The following CHCHD6 variants were observed in gnomAD, a reference collection of about 807,000 sequenced individuals.
CHCHD6 encodes MICOS complex subunit MIC25.
CHCHD6 carries 28 observed loss-of-function variants against 32.3 expected under a neutral mutation model. The ratio of observed to expected loss-of-function variants is 0.87; its 90% CI spans 0.64 to 1.19. CHCHD6 has a LOEUF of 1.19. Among genes scored for constraint, CHCHD6 ranks in the 50% most tolerant of loss-of-function variants. The probability of loss-of-function intolerance (pLI) is 0.00; values close to 1 mark genes in which losing one functional copy is unlikely to be tolerated. For missense variants in CHCHD6, 333 were observed against 307.0 expected (o/e 1.08, Z -0.63); for synonymous variants, 122 against 117.5 (o/e 1.04, Z -0.25).
intron 5 of CHCHD6, among the ~76,000 whole-genome samples, chr3:126,891,235 G>A (rs913108862): frequency 3.3e-5 from 5 of 152,188 alleles, no homozygotes; most frequent in African/African-American, 1.2e-4. Flanking sequence ...TAGGGCTGTG[G>A]AGCCTCCCTA....
At chr3:126,776,764 C>T (rs1030674949) in intron 4 of CHCHD6, among the ~76,000 whole-genome samples, 9 of 152,064 alleles carry the variant, frequency 5.9e-5, no homozygotes, top group Non-Finnish European at 7.4e-5. Context: ...CATTTTATAA[C>T]CAGTGACATA....
rs147789687 is a variant in CHCHD6 at position 126,727,089 on chromosome 3, C to G, written c.99C>G (p.Asn33Lys). Residue 33 changes from asparagine (N) to lysine (K), a missense_variant, in exon 2 of 8, where the codon AAC (asparagine) becomes AAG (lysine). Transcript: ENST00000290913. Reference sequence around the variant, plus strand: ...TTCTGCTTCCTTAGCTGTCTGAAAACGTGGTGAACCGCATGAAGGAGCCCA... The same window carrying G: ...TTCTGCTTCCTTAGCTGTCTGAAAAGGTGGTGAACCGCATGAAGGAGCCCA... Reference protein sequence around the residue: ...RVLQGVRLSENVVNRMKEPSS... With the variant: ...RVLQGVRLSEKVVNRMKEPSS... The G allele has an allele frequency of 6.2e-7, 1 of 1,613,132 alleles. No individual in the cohort carries two copies. The highest frequency in any genetic ancestry group is 1.3e-5 in the African/African-American group (1 of 74,886).
At chr3:126,890,480 G>C (rs755214615) in intron 5 of CHCHD6, among the ~76,000 whole-genome samples, 42 of 152,260 alleles carry the variant, frequency 2.8e-4, no homozygotes, top group South Asian at 8.3e-4. Context: ...TGATGGAACT[G>C]TGCCTGTACA....
chr3:126,814,865 G>C (rs956455333), intron 4 of CHCHD6, among the ~76,000 whole-genome samples: 1 of 152,348 alleles, frequency 6.6e-6, no homozygotes, highest in Admixed American at 6.5e-5. Context: ...GGTGTCTGAA[G>C]TGGGGTGAGG....
At chr3:126,732,098 AGAG>A (rs1314431227) in intron 3 of CHCHD6, among the ~76,000 whole-genome samples, 1 of 149,078 alleles carries the variant, frequency 6.7e-6, no homozygotes, top group East Asian at 2.0e-4. Context: ...AAAAAAAAAA[AGAG>A]GAAAAAAAGC....
intron 6 of CHCHD6, among the ~76,000 whole-genome samples, chr3:126,953,753 G>A (rs893008246): frequency 5.9e-5 from 9 of 152,182 alleles, no homozygotes; most frequent in African/African-American, 1.9e-4. Flanking sequence ...AAGCCACATG[G>A]ACCATTAGAT....
intron 5 of CHCHD6, among the ~76,000 whole-genome samples, chr3:126,873,667 C>T (rs571629985): frequency 6.6e-6 from 1 of 152,324 alleles, no homozygotes; most frequent in African/African-American, 2.4e-5. Flanking sequence ...ACTGAGCAGG[C>T]AGGATGGCTT....
intron 1 of CHCHD6, among the ~76,000 whole-genome samples, chr3:126,714,724 G>A (rs905798637): frequency 3.9e-5 from 6 of 152,128 alleles, no homozygotes; most frequent in Non-Finnish European, 7.4e-5. Flanking sequence ...GTTTTCCAGT[G>A]CCTAGCACCC....
At chr3:126,771,841 G>C (rs1473832377) in intron 4 of CHCHD6, among the ~76,000 whole-genome samples, 1 of 152,092 alleles carries the variant, frequency 6.6e-6, no homozygotes, top group East Asian at 1.9e-4. Context: ...TTGTATCTTT[G>C]TTCTCATTAG....
intron 5 of CHCHD6, among the ~76,000 whole-genome samples, chr3:126,859,950 G>C (rs1369232548): frequency 1.3e-5 from 2 of 152,162 alleles, no homozygotes; most frequent in Admixed American, 1.3e-4. Flanking sequence ...ACTGATGCTG[G>C]GTTCCATGTA....
At chr3:126,706,650 C>A (rs1042124292) in intron 1 of CHCHD6, among the ~76,000 whole-genome samples, 2 of 152,034 alleles carry the variant, frequency 1.3e-5, no homozygotes, top group East Asian at 3.9e-4. Flanking sequence ...GAGCCACGTC[C>A]TTCCTTCTGC....
intron 4 of CHCHD6, among the ~76,000 whole-genome samples, chr3:126,813,552 G>A (rs894637339): frequency 5.3e-5 from 8 of 152,188 alleles, no homozygotes; most frequent in Admixed American, 5.2e-4. Context: ...ACCCACATGA[G>A]CTCCTTGAGT....
chr3:126,945,746 G>A (rs2078627905), intron 6 of CHCHD6, among the ~76,000 whole-genome samples: 1 of 150,024 alleles, frequency 6.7e-6, no homozygotes, highest in Non-Finnish European at 1.5e-5. Context: ...GAGACTCGGG[G>A]GGAGACTTGA....
chr3:126,838,892 C>CTTTT (rs1217788517), intron 4 of CHCHD6, among the ~76,000 whole-genome samples: 1 of 139,580 alleles, frequency 7.2e-6, no homozygotes, highest in African/African-American at 2.6e-5. Flanking sequence ...TTCTTTTTTC[C>CTTTT]TTTTTTTTTT....
At position 126,759,415 on chromosome 3, in the gene CHCHD6, A is replaced by G. The variant is rs61154090; in HGVS notation, c.411+26193A>G. ...GCTACATTCAGTTTTCCTTGTCCCA[A>G]TCAAGTCTTTTGTAGTGGTCATTTG... On this transcript the variant is annotated intron_variant, in intron 4 of 7. Coordinates refer to ENST00000290913, the MANE Select transcript of CHCHD6 (RefSeq NM_032343.3). Among the ~76,000 whole-genome samples, 691 of 152,268 alleles carry G rather than the reference A, an allele frequency of 4.5e-3. 3 individuals carry two copies. The highest frequency in any genetic ancestry group is 0.014 in the African/African-American group (573 of 41,562).
At chr3:126,799,985 A>C (rs2107690041) in intron 4 of CHCHD6, among the ~76,000 whole-genome samples, 1 of 152,296 alleles carries the variant, frequency 6.6e-6, no homozygotes, top group Non-Finnish European at 1.5e-5. Context: ...TCATAATTGG[A>C]TATGCATAAT....
At chr3:126,893,473 A>G (rs971043342) in intron 5 of CHCHD6, among the ~76,000 whole-genome samples, 4 of 152,246 alleles carry the variant, frequency 2.6e-5, no homozygotes, top group African/African-American at 4.8e-5. Flanking sequence ...AATGAGGTCA[A>G]GACAGACATT....
At chr3:126,944,265 G>A (rs1013090001) in intron 6 of CHCHD6, among the ~76,000 whole-genome samples, 11 of 152,250 alleles carry the variant, frequency 7.2e-5, no homozygotes, top group Non-Finnish European at 1.6e-4. Context: ...TCAGCCCACC[G>A]GGTTACAAAG....
At chr3:126,709,534 A>ATT (rs1934655951) in intron 1 of CHCHD6, among the ~76,000 whole-genome samples, 1 of 152,186 alleles carries the variant, frequency 6.6e-6, no homozygotes, top group Non-Finnish European at 1.5e-5. Context: ...CAGTTTATGA[A>ATT]TTTTGTGAAT....
Sources: allele counts gnomAD v4.1 joint callset (sites outside exome capture counted in the v4.1 genomes callset), GRCh38; gene constraint gnomAD v4.1.1; transcripts MANE v1.5; gene names NCBI Gene and HGNC (gene_info 2026-07-23, HGNC 2026-07-21).